The following NHS variants were observed in gnomAD, a reference collection of about 807,000 sequenced individuals.
NHS encodes NHS actin remodeling regulator.
NHS carries 5 observed loss-of-function variants against 72.5 expected under a neutral mutation model. The ratio of observed to expected loss-of-function variants is 0.07; its 90% CI spans 0.04 to 0.14. The LOEUF (loss-of-function observed/expected upper bound fraction) is 0.14. Ranked by LOEUF, NHS falls within the 10% of genes least tolerant of loss-of-function variation. NHS has a pLI of 1.00. For missense variants in NHS, 1,072 were observed against 1,355.7 expected, an observed-to-expected ratio of 0.79 and a Z score of 3.29; for synonymous variants, 464 against 547.7, an observed-to-expected ratio of 0.85 and a Z score of 2.13.
At chrX:17,525,557 A>G (rs1340881551) in intron 1 of NHS, among the ~76,000 whole-genome samples, 1 of 109,870 alleles carries the variant, frequency 9.1e-6, no homozygotes, top group Non-Finnish European at 1.9e-5. Context: ...CGAATCCTTA[A>G]TCAGTTTCTA....
chrX:17,401,209 C>G (rs149931650), intron 1 of NHS, among the ~76,000 whole-genome samples: 1 of 111,915 alleles, frequency 8.9e-6, no homozygotes, highest in Non-Finnish European at 1.9e-5. Context: ...TGAGGTTGGG[C>G]CCCCTCCTTA....
chrX:17,701,448 A>T (rs1475279106), intron 3 of NHS, among the ~76,000 whole-genome samples: 2 of 111,975 alleles, frequency 1.8e-5, no homozygotes, highest in East Asian at 5.6e-4. Context: ...CAACACACAC[A>T]GACACACACA....
At position 17,522,696 on chromosome X, in the gene NHS, G is replaced by A. The variant is rs73443616; in HGVS notation, c.565+146374G>A. Among the ~76,000 whole-genome samples, 483 of 110,965 alleles carry A rather than the reference G, an allele frequency of 4.4e-3. 4 individuals carry two copies. Among genetic ancestry groups the A allele is most frequent in the African/African-American group, 0.015 (458 of 30,552 alleles). On this transcript the variant is annotated intron_variant, in intron 1 of 8. Transcript: ENST00000676302. ...GCTGTAGCAGGGAAGCTTTCTTTGT[G>A]AGGTGCTGATTTAGAGACCCCGAAT... is the stretch of plus-strand genomic sequence containing the variant.
rs773431509 is a variant in NHS, at chrX:17,726,797, G to A, written c.2691G>A (p.Thr897=). ...AGCTGCCTCTTGATTTCGCCAACAC[G>A]CCTTCTCGAATGGAAAACGCCAATC... The part of the protein sequence containing the change: ...EMKLPLDFAN[T]PSRMENANLP... The change falls in exon 7 of 9, where the codon ACG becomes ACA. Residue 897 remains threonine (T), a synonymous_variant. Coordinates refer to ENST00000676302, the MANE Select transcript of NHS (RefSeq NM_001291867.2). 6 of 1,209,989 alleles carry A rather than the reference G, an allele frequency of 5.0e-6. No individual in the cohort carries two copies. The highest frequency in any genetic ancestry group is 5.6e-6 in the Non-Finnish European group (5 of 895,299).
intron 1 of NHS, among the ~76,000 whole-genome samples, chrX:17,434,173 A>G (rs1285463468): frequency 9.0e-6 from 1 of 111,457 alleles, no homozygotes; most frequent in Non-Finnish European, 1.9e-5. Flanking sequence ...TCCACATTCC[A>G]CTTGGCAGCC....
chrX:17,651,309 C>T (rs1372677054), intron 1 of NHS, among the ~76,000 whole-genome samples: 1 of 112,320 alleles, frequency 8.9e-6, no homozygotes, highest in African/African-American at 3.2e-5. Context: ...TGGAAATCCA[C>T]AAAGGAGTCT....
At chrX:17,451,225 G>A (rs1013341063) in intron 1 of NHS, among the ~76,000 whole-genome samples, 11 of 111,641 alleles carry the variant, frequency 9.9e-5, no homozygotes, top group African/African-American at 3.6e-4. Flanking sequence ...TTACATGTGC[G>A]ACTCATATTG....
Position 17,585,571 on chromosome X carries a change from A to G in NHS, c.566-102171A>G, listed in dbSNP as rs745641461. On this transcript the variant is annotated intron_variant, in intron 1 of 8. Coordinates refer to ENST00000676302, the MANE Select transcript of NHS (RefSeq NM_001291867.2). ...ATTTTCTTCATGGTTGCTCTCTTCA[A>G]TAAGAGAGGAGAATACCTGGAATGG... Among the ~76,000 whole-genome samples, 5 of 110,397 alleles carry G rather than the reference A, an allele frequency of 4.5e-5. No homozygotes were observed. The South Asian group carries it at 1.6e-3, about 35-fold the overall frequency.
rs1555987944 is a variant in NHS, at chrX:17,429,239, T to TGTGTGTGC, written c.565+52924_565+52925insCGTGTGTG. Among the ~76,000 whole-genome samples the TGTGTGTGC allele has an allele frequency of 1.7e-3, 187 of 107,567 alleles. 1 individual carries two copies. The highest frequency in any genetic ancestry group is 6.8e-3 in the African/African-American group (183 of 27,107). The allele number at this position is 107,567 out of a possible 115,157, so 93.4% of individuals were successfully genotyped here. A position where few individuals can be genotyped will look rare whatever the true frequency, so the allele number is the denominator to read the frequency against. ...GTACTGGGGGATGTGTGTGTGTGTG[T>TGTGTGTGC]GTGTGTGTGTGTGTGTGTGCACACG... On this transcript the variant is annotated intron_variant, in intron 1 of 8. Coordinates refer to ENST00000676302, the MANE Select transcript of NHS (RefSeq NM_001291867.2).
chrX:17,439,992 G>A (rs1215494288), intron 1 of NHS, among the ~76,000 whole-genome samples: 1 of 111,305 alleles, frequency 9.0e-6, no homozygotes, highest in Non-Finnish European at 1.9e-5. Context: ...AGGCGTGGTG[G>A]CTCACACCTG....
At chrX:17,386,434 G>A (rs1224260171) in intron 1 of NHS, among the ~76,000 whole-genome samples, 1 of 110,548 alleles carries the variant, frequency 9.0e-6, no homozygotes, top group Admixed American at 9.6e-5. Context: ...GCTGAAGCAG[G>A]TGGATCACTT....
rs189100794 is a variant in NHS, at chrX:17,515,576, T to C, written c.565+139254T>C. On this transcript the variant is annotated intron_variant, in intron 1 of 8. Transcript: ENST00000676302. ...GTTTTTGTATATGCTGTAGCTTGAA[T>C]GTAGAACCTCTTTCATCTATAGCCT... Among the ~76,000 whole-genome samples, 3 of 112,489 alleles carry C rather than the reference T, an allele frequency of 2.7e-5. No individual in the cohort carries two copies. The East Asian group carries it at 8.4e-4, about 31-fold the overall frequency.
chrX:17,468,874 G>A (rs2064880713), intron 1 of NHS, among the ~76,000 whole-genome samples: 1 of 111,256 alleles, frequency 9.0e-6, no homozygotes, highest in Non-Finnish European at 1.9e-5. Context: ...TTTTTAAATT[G>A]AAGCATAACA....
chrX:17,657,740 C>T (rs776802058), intron 1 of NHS, among the ~76,000 whole-genome samples: 2 of 112,911 alleles, frequency 1.8e-5, no homozygotes, highest in South Asian at 7.3e-4. Context: ...CATGGATATC[C>T]ATCCCTGGCT....
intron 1 of NHS, among the ~76,000 whole-genome samples, chrX:17,633,080 G>GT (rs375112672): frequency 0.074 from 7,673 of 103,679 alleles, 271 homozygotes; most frequent in African/African-American, 0.13. Flanking sequence ...AAGGGTTTTT[G>GT]TTTTTTTTTT....
chrX:17,588,054 T>C (rs2065584760), intron 1 of NHS, among the ~76,000 whole-genome samples: 1 of 112,017 alleles, frequency 8.9e-6, no homozygotes, highest in African/African-American at 3.3e-5. Flanking sequence ...GGTTCTAGGG[T>C]TGTCTCTTCC....
intron 1 of NHS, among the ~76,000 whole-genome samples, chrX:17,549,887 G>T (rs2065322075): frequency 9.0e-6 from 1 of 111,217 alleles, no homozygotes; most frequent in South Asian, 3.8e-4. Context: ...CTGGATGGGG[G>T]GACTTGAACA....
At chrX:17,563,484 C>T (rs972197564) in intron 1 of NHS, among the ~76,000 whole-genome samples, 3 of 112,325 alleles carry the variant, frequency 2.7e-5, no homozygotes, top group African/African-American at 9.7e-5. Flanking sequence ...TGAGGTGGGC[C>T]TTCACAGCAG....
At chrX:17,452,942 T>C (rs2064811615) in intron 1 of NHS, among the ~76,000 whole-genome samples, 1 of 111,962 alleles carries the variant, frequency 8.9e-6, no homozygotes, top group Non-Finnish European at 1.9e-5. Flanking sequence ...AGAAACAATA[T>C]AATGGATGAC....
Sources: allele counts gnomAD v4.1 joint callset (sites outside exome capture counted in the v4.1 genomes callset), GRCh38; gene constraint gnomAD v4.1.1; transcripts MANE v1.5; gene names NCBI Gene and HGNC (gene_info 2026-07-23, HGNC 2026-07-21).